The following IL36RN variants were observed in gnomAD, a reference collection of about 807,000 sequenced individuals.
IL36RN encodes interleukin-36 receptor antagonist protein.
Under a neutral mutation model 13.0 loss-of-function variants are expected in IL36RN, and 11 were observed. The ratio of observed to expected loss-of-function variants is 0.85; its 90% CI spans 0.53 to 1.40. The LOEUF is 1.40. IL36RN is among the 40% of genes most tolerant of loss of function. The pLI is 0.00. For synonymous variants in IL36RN, 94 were observed against 84.1 expected (o/e 1.12, Z -0.64); for missense variants, 195 against 195.3 (o/e 1.00, Z 0.01).
In IL36RN at chr2:113,063,397, G is replaced by A. The variant is rs771527648; in HGVS notation, c.*720G>A. The stretch of plus-strand genomic sequence containing the variant: ...ATTGAGAAGACCTACTTACAAAGTG[G>A]CATATATTGCAATTTATTTTAATTA... On this transcript the variant is annotated 3_prime_UTR_variant, in exon 5 of 5. Transcript: ENST00000393200. The A allele has an allele frequency of 2.0e-5, 3 of 152,318 alleles. No homozygotes were observed. The highest frequency in any genetic ancestry group is 4.4e-5 in the Non-Finnish European group (3 of 68,206). 9.4% of individuals were successfully genotyped at this position (152,318 alleles called of 1,614,324 possible).
intron 4 of IL36RN, 58 bp downstream of exon 4, chr2:113,062,309 C>T: frequency 6.2e-7 from 1 of 1,610,986 alleles, no homozygotes. Flanking sequence ...CCTACTGAAG[C>T]CGGGCAGCCC....
Position 113,062,615 on chromosome 2 carries a change from C to T in IL36RN, c.406C>T (p.Leu136Phe). The change falls in exon 5 of 5, where the codon CTT (leucine) becomes TTT (phenylalanine). Residue 136 changes from leucine (L) to phenylalanine (F), a missense_variant. Leu to Phe is a conservative substitution (Grantham distance 22). Coordinates refer to ENST00000393200, the MANE Select transcript of IL36RN (RefSeq NM_012275.3). ...CGATCAGCCTGTCAGACTCACCCAG[C>T]TTCCCGAGAATGGTGGCTGGAATGC... is the stretch of plus-strand genomic sequence containing the variant. ...EADQPVRLTQ[L>F]PENGGWNAPI... 1 of 1,613,524 alleles carries T rather than the reference C, an allele frequency of 6.2e-7. No homozygotes were observed. Among genetic ancestry groups the T allele is most frequent in the Non-Finnish European group, 8.5e-7 (1 of 1,180,018 alleles).
Position 113,063,511 on chromosome 2 carries a change from G to A in IL36RN, c.*834G>A, listed in dbSNP as rs1295396051. 6.6e-6 allele frequency: 1 copy of A among 152,144 alleles called. No homozygotes were observed. Among genetic ancestry groups the A allele is most frequent in the African/African-American group, 2.4e-5 (1 of 41,430 alleles). The allele number at this position is 152,144 out of a possible 1,614,324, so 9.4% of individuals were successfully genotyped here. A position where few individuals can be genotyped will look rare whatever the true frequency, so the allele number is the denominator to read the frequency against. ...CAATGTCAGGGTGGTGGCAGTATAG[G>A]TGATTTTTCTTTTAATTCTGTTAAT... is the stretch of plus-strand genomic sequence containing the variant. On this transcript the variant is annotated 3_prime_UTR_variant, in exon 5 of 5. Transcript: ENST00000393200.
At position 113,060,956 on chromosome 2, in the gene IL36RN, C is replaced by A. The variant is rs1685629561; in HGVS notation, c.115+19C>A. 3 of 1,589,316 alleles carry A rather than the reference C, an allele frequency of 1.9e-6. No individual in the cohort carries two copies. The highest frequency in any genetic ancestry group is 1.7e-5 in the Admixed American group (1 of 59,986). On this transcript the variant is annotated intron_variant, in intron 3 of 4. Coordinates refer to ENST00000393200, the MANE Select transcript of IL36RN (RefSeq NM_012275.3). ...ATTAAAGGTTGGTGATGAAACATGA[C>A]CCACTTTCCTTGGTCTCTATACACT...
At position 113,063,286 on chromosome 2, in the gene IL36RN, G is replaced by A. The variant is rs1379600997; in HGVS notation, c.*609G>A. 1 of 163,224 alleles carries A rather than the reference G, an allele frequency of 6.1e-6. No individual in the cohort carries two copies. Among genetic ancestry groups the A allele is most frequent in the African/African-American group, 2.4e-5 (1 of 41,604 alleles). The allele number at this position is 163,224 out of a possible 1,614,324, so 10.1% of individuals were successfully genotyped here. ...GCTCAGAAGATAAAAGATAAGTAGGGTATGCTGATCCTCTTTTAAAAACCC... is the reference window on the plus strand; with the variant it reads ...GCTCAGAAGATAAAAGATAAGTAGGATATGCTGATCCTCTTTTAAAAACCC... On this transcript the variant is annotated 3_prime_UTR_variant, in exon 5 of 5. Coordinates refer to ENST00000393200, the MANE Select transcript of IL36RN (RefSeq NM_012275.3).
chr2:113,060,607 T>C (rs1292506409), intron 2 of IL36RN, among the ~76,000 whole-genome samples: 1 of 152,092 alleles, frequency 6.6e-6, no homozygotes, highest in African/African-American at 2.4e-5. Flanking sequence ...GGAGATGGGT[T>C]GGGGCAGAAA....
Position 113,060,933 on chromosome 2 carries a change from T to A in IL36RN, c.111T>A (p.Ile37=). 6.2e-7 allele frequency: 1 copy of A among 1,613,272 alleles called. No homozygotes were observed. The highest frequency in any genetic ancestry group is 8.5e-7 in the Non-Finnish European group (1 of 1,179,204). ...LAGGLHAGKV[I]KGEEISVVPN... is the part of the protein sequence containing the mutation. ...GAGGGCTGCATGCAGGGAAGGTCAT[T>A]AAAGGTTGGTGATGAAACATGACCC... The change falls in exon 3 of 5, where the codon ATT becomes ATA. Residue 37 remains isoleucine, a synonymous_variant. Transcript: ENST00000393200.
At chr2:113,061,356 G>C (rs1041991344) in intron 3 of IL36RN, among the ~76,000 whole-genome samples, 2 of 152,168 alleles carry the variant, frequency 1.3e-5, no homozygotes, top group African/African-American at 4.8e-5. Context: ...CAGTCACTTA[G>C]AGTGGAGGGA....
rs369673604 is a variant in IL36RN, at chr2:113,059,415, A to C, written c.-24A>C. 1.7e-5 allele frequency: 27 copies of C among 1,613,040 alleles called. No individual in the cohort carries two copies. The African/African-American group carries it at 3.1e-4, about 18-fold the overall frequency. On this transcript the variant is annotated 5_prime_UTR_variant, in exon 2 of 5. Transcript: ENST00000393200. ...TCTGTTGTTTATTCCAAAATAGGGG[A>C]GTCTACACCCTGTGGAGCTCAAGAT...
intron 2 of IL36RN, among the ~76,000 whole-genome samples, chr2:113,059,965 C>T (rs1685607954): frequency 6.6e-6 from 1 of 152,230 alleles, no homozygotes; most frequent in African/African-American, 2.4e-5. Flanking sequence ...GGTCCTTTCT[C>T]TCAGTCTAAT....
Position 113,063,867 on chromosome 2 carries a change from C to T in IL36RN, c.*1190C>T, listed in dbSNP as rs1685693270. On this transcript the variant is annotated 3_prime_UTR_variant, in exon 5 of 5. Transcript: ENST00000393200. ...CCCCTGGGATTCCAAGGCATTGGAT[C>T]CAGTCTCTAAGAAGGCTGCTGTACT... is the stretch of plus-strand genomic sequence containing the variant. The T allele has an allele frequency of 6.6e-6, 1 of 152,160 alleles. No homozygotes were observed. The highest frequency in any genetic ancestry group is 6.5e-5 in the Admixed American group (1 of 15,278). 9.4% of individuals were successfully genotyped at this position (152,160 alleles called of 1,614,324 possible). A position where few individuals can be genotyped will look rare whatever the true frequency, so the allele number is the denominator to read the frequency against.
chr2:113,060,945 A>G lies in IL36RN; in HGVS notation c.115+8A>G. 1 of 1,609,134 alleles carries G rather than the reference A, an allele frequency of 6.2e-7. No homozygotes were observed. Among genetic ancestry groups the G allele is most frequent in the Non-Finnish European group, 8.5e-7 (1 of 1,175,384 alleles). On this transcript the variant is annotated splice_region_variant and intron_variant, in intron 3 of 4. Coordinates refer to ENST00000393200, the MANE Select transcript of IL36RN (RefSeq NM_012275.3). ...CAGGGAAGGTCATTAAAGGTTGGTG[A>G]TGAAACATGACCCACTTTCCTTGGT...
At position 113,062,519 on chromosome 2, in the gene IL36RN, G is replaced by A. The variant is rs999138196; in HGVS notation, c.310G>A (p.Asp104Asn). Residue 104 changes from aspartate to asparagine, a missense_variant, in exon 5 of 5, where the codon GAC becomes AAC. Asp to Asn is a conservative substitution (Grantham distance 23, BLOSUM62 1). Coordinates refer to ENST00000393200, the MANE Select transcript of IL36RN (RefSeq NM_012275.3). ...CAAGAGCTTCACCTTCTACCGGCGGGACATGGGGCTCACCTCCAGCTTCGA... is the reference window on the plus strand; with the variant it reads ...CAAGAGCTTCACCTTCTACCGGCGGAACATGGGGCTCACCTCCAGCTTCGA... Reference protein sequence around the residue: ...ESKSFTFYRRDMGLTSSFESA... With the variant: ...ESKSFTFYRRNMGLTSSFESA... 3 of 1,613,994 alleles carry A rather than the reference G, an allele frequency of 1.9e-6. No homozygotes were observed. In the African/African-American group the frequency reaches 4.0e-5, roughly 22 times the overall value.
chr2:113,061,223 C>A (rs1685634132), intron 3 of IL36RN, among the ~76,000 whole-genome samples: 1 of 152,232 alleles, frequency 6.6e-6, no homozygotes, highest in South Asian at 2.1e-4. Context: ...TCAAGCATTG[C>A]ATTCCCTGGG....
Position 113,062,942 on chromosome 2 carries a change from G to T in IL36RN, c.*265G>T, listed in dbSNP as rs1392775841. 5.5e-5 allele frequency: 27 copies of T among 486,674 alleles called. No individual in the cohort carries two copies. The highest frequency in any genetic ancestry group is 1.6e-4 in the East Asian group (4 of 24,988). The allele number at this position is 486,674 out of a possible 1,614,324, so 30.1% of individuals were successfully genotyped here. The stretch of plus-strand genomic sequence containing the variant: ...GGGTAAACTGGGAATAACATGAAAA[G>T]ATTTCTGTGGAGGTGGGGTGGGGGA... On this transcript the variant is annotated 3_prime_UTR_variant, in exon 5 of 5. Coordinates refer to ENST00000393200, the MANE Select transcript of IL36RN (RefSeq NM_012275.3).
Position 113,062,725 on chromosome 2 carries a change from G to T in IL36RN, c.*48G>T. The stretch of plus-strand genomic sequence containing the variant: ...CCTGGGCAGAGCCAGCTCGGGTGAG[G>T]GGTGAGTGGAGGAGACCCATGGCGG... On this transcript the variant is annotated 3_prime_UTR_variant, in exon 5 of 5. Transcript: ENST00000393200. 6.5e-7 allele frequency: 1 copy of T among 1,532,280 alleles called. No homozygotes were observed. Among genetic ancestry groups the T allele is most frequent in the South Asian group, 1.1e-5 (1 of 88,002 alleles). The allele number at this position is 1,532,280 out of a possible 1,614,324, so 94.9% of individuals were successfully genotyped here.
rs1467303749 is a variant in IL36RN, at chr2:113,062,818, T to C, written c.*141T>C. ...GTGGGCACCTGACCACTTTGTCTTCTGGTTCCCAGTTTGGATAAATTCTGA... is the reference window on the plus strand; with the variant it reads ...GTGGGCACCTGACCACTTTGTCTTCCGGTTCCCAGTTTGGATAAATTCTGA... On this transcript the variant is annotated 3_prime_UTR_variant, in exon 5 of 5. Transcript: ENST00000393200. The C allele has an allele frequency of 2.6e-6, 2 of 758,794 alleles. No individual in the cohort carries two copies. Among genetic ancestry groups the C allele is most frequent in the Admixed American group, 2.0e-5 (1 of 49,510 alleles). The allele number at this position is 758,794 out of a possible 1,614,324, so 47.0% of individuals were successfully genotyped here.
upstream of IL36RN, chr2:113,058,779 A>G: frequency 6.6e-6 from 1 of 152,096 alleles, no homozygotes; most frequent in Admixed American, 6.6e-5. Flanking sequence ...GAAGGGAGGA[A>G]ATGGGAAGGG....
upstream of IL36RN, chr2:113,059,161 G>A (rs1685587487): frequency 3.8e-6 from 2 of 532,028 alleles, no homozygotes; most frequent in South Asian, 2.0e-5. Context: ...CCCCTCCCTA[G>A]GCCTTACTTA....
Sources: gnomAD v4.1 joint callset for allele counts (sites outside exome capture counted in the v4.1 genomes callset) on GRCh38, gnomAD v4.1.1 for gene constraint, MANE v1.5 for transcripts, NCBI Gene and HGNC (gene_info 2026-07-23, HGNC 2026-07-21) for gene names.